IKZF3: variants seen among roughly 807,000 people sequenced by gnomAD.
The protein encoded by IKZF3 is zinc finger protein Aiolos.
In IKZF3, 10 loss-of-function variants were observed where a neutral mutation model predicts 49.0. The observed-to-expected ratio is 0.20, with a 90% CI of 0.13 to 0.35. IKZF3 has a LOEUF of 0.35. Among genes scored for constraint, IKZF3 ranks in the 10% least tolerant of loss-of-function variants. The pLI, the probability that IKZF3 is intolerant of heterozygous loss-of-function variation, is 1.00. For missense variants in IKZF3, 498 were observed against 664.8 expected (o/e 0.75, Z 2.76); for synonymous variants, 209 against 228.2 (o/e 0.92, Z 0.76).
chr17:39,775,883 C>T (rs533579533), intron 7 of IKZF3, among the ~76,000 whole-genome samples: 2 of 150,356 alleles, frequency 1.3e-5, no homozygotes, highest in South Asian at 4.2e-4. Context: ...GAGATCGCGC[C>T]ATTGCACCCC....
intron 3 of IKZF3, among the ~76,000 whole-genome samples, chr17:39,825,686 T>C (rs2061937391): frequency 6.6e-6 from 1 of 152,162 alleles, no homozygotes; most frequent in Non-Finnish European, 1.5e-5. Context: ...CCAGAGAATT[T>C]CCATTTGAGG....
intron 3 of IKZF3, among the ~76,000 whole-genome samples, chr17:39,827,968 G>A (rs1157558064): frequency 6.6e-6 from 1 of 152,194 alleles, no homozygotes; most frequent in Non-Finnish European, 1.5e-5. Flanking sequence ...TAGGGAAGAG[G>A]AGGTGGGGGA....
At chr17:39,819,840 T>A (rs114211283) in intron 3 of IKZF3, among the ~76,000 whole-genome samples, 6,670 of 150,130 alleles carry the variant, frequency 0.044, 223 homozygotes, top group Non-Finnish European at 0.072. Context: ...TAAAAAAAAA[T>A]TTTTTTTTTG....
In IKZF3 at chr17:39,761,581, A is replaced by ATATATATATATATATATATAC. The variant is rs1567944278; in HGVS notation, c.*4208_*4209insGTATATATATATATATATATA. The ATATATATATATATATATATAC allele has an allele frequency of 3.1e-4, 46 of 147,014 alleles. No homozygotes were observed. The highest frequency in any genetic ancestry group is 1.0e-3 in the African/African-American group (38 of 37,790). 9.1% of individuals were successfully genotyped at this position (147,014 alleles called of 1,614,324 possible). A position where few individuals can be genotyped will look rare whatever the true frequency, so the allele number is the denominator to read the frequency against. On this transcript the variant is annotated 3_prime_UTR_variant, in exon 8 of 8. Transcript: ENST00000346872. ...ATACATACATATATATACATATACA[A>ATATATATATATATATATATAC]AAAAAATAAAAATAAATTAAAAAAT...
chr17:39,834,494 T>C (rs983925427), intron 1 of IKZF3, among the ~76,000 whole-genome samples: 4 of 152,262 alleles, frequency 2.6e-5, no homozygotes, highest in African/African-American at 9.6e-5. Context: ...TGTGATCCAC[T>C]GGTTATTTAT....
intron 1 of IKZF3, among the ~76,000 whole-genome samples, chr17:39,851,657 G>A (rs1310780947): frequency 3.3e-5 from 5 of 152,102 alleles, no homozygotes. Context: ...TTGGGGCAAA[G>A]GGGGAAATTA....
In IKZF3 at chr17:39,791,400, C is replaced by G; in HGVS notation, c.592+16G>C. 6.2e-7 allele frequency: 1 copy of G among 1,612,990 alleles called. No homozygotes were observed. Among genetic ancestry groups the G allele is most frequent in the Non-Finnish European group, 8.5e-7 (1 of 1,179,286 alleles). On this transcript the variant is annotated intron_variant, in intron 5 of 7. Coordinates refer to ENST00000346872, the MANE Select transcript of IKZF3 (RefSeq NM_012481.5). Reference sequence around the variant, plus strand: ...ATGCACTTCCTAGACAAGGAATGCTCATTTCTCTCACTTACCAGAATGTGT... The same window carrying G: ...ATGCACTTCCTAGACAAGGAATGCTGATTTCTCTCACTTACCAGAATGTGT...
intron 3 of IKZF3, among the ~76,000 whole-genome samples, chr17:39,818,812 C>T (rs898618820): frequency 6.6e-6 from 1 of 152,140 alleles, no homozygotes; most frequent in Non-Finnish European, 1.5e-5. Context: ...GAGCTGAGCT[C>T]GCACCACCGC....
At chr17:39,835,759 A>T in intron 1 of IKZF3, 1 of 514,046 alleles carries the variant, frequency 1.9e-6, no homozygotes, top group South Asian at 1.5e-5. Context: ...TAAGCTTGCC[A>T]TCCAGGTAAG....
At chr17:39,817,736 C>T (rs764033255) in intron 3 of IKZF3, among the ~76,000 whole-genome samples, 2 of 152,186 alleles carry the variant, frequency 1.3e-5, no homozygotes, top group African/African-American at 2.4e-5. Flanking sequence ...ATAATTTATA[C>T]ATACTGATCA....
chr17:39,781,124 A>G (rs1246354774), intron 6 of IKZF3, among the ~76,000 whole-genome samples: 1 of 152,214 alleles, frequency 6.6e-6, no homozygotes, highest in Non-Finnish European at 1.5e-5. Context: ...TTGAGTGAAG[A>G]GGGTCAAATT....
chr17:39,844,845 C>A (rs1301476764), intron 1 of IKZF3, among the ~76,000 whole-genome samples: 1 of 152,152 alleles, frequency 6.6e-6, no homozygotes, highest in Non-Finnish European at 1.5e-5. Flanking sequence ...TGGTCTCGAA[C>A]TCCTGACCTC....
intron 3 of IKZF3, among the ~76,000 whole-genome samples, chr17:39,813,974 T>C (rs568306784): frequency 2.8e-4 from 42 of 152,356 alleles, no homozygotes; most frequent in African/African-American, 9.9e-4. Flanking sequence ...CCAGCCACCC[T>C]TCTTCACACA....
chr17:39,862,938 T>G (rs1409219028), intron 1 of IKZF3, among the ~76,000 whole-genome samples: 1 of 152,214 alleles, frequency 6.6e-6, no homozygotes, highest in Non-Finnish European at 1.5e-5. Context: ...CATGATTCTG[T>G]ACATTATCCT....
intron 3 of IKZF3, among the ~76,000 whole-genome samples, chr17:39,806,700 A>G (rs2061438028): frequency 6.6e-6 from 1 of 152,174 alleles, no homozygotes; most frequent in Admixed American, 6.5e-5. Flanking sequence ...CAGCCTTCTA[A>G]AACGGCTCCT....
intron 1 of IKZF3, among the ~76,000 whole-genome samples, chr17:39,845,125 C>G (rs1238350265): frequency 6.6e-6 from 1 of 152,096 alleles, no homozygotes; most frequent in East Asian, 1.9e-4. Flanking sequence ...TATTGTACTG[C>G]CTGTGAACTA....
intron 1 of IKZF3, among the ~76,000 whole-genome samples, chr17:39,847,819 G>C (rs2062678444): frequency 6.6e-6 from 1 of 152,096 alleles, no homozygotes. Context: ...ATCGCCCAAG[G>C]GCACAAAGTC....
chr17:39,843,684 G>A (rs2062545871), intron 1 of IKZF3, among the ~76,000 whole-genome samples: 1 of 151,930 alleles, frequency 6.6e-6, no homozygotes, highest in Non-Finnish European at 1.5e-5. Flanking sequence ...AGAGAAAAAT[G>A]AGATTCTGAC....
chr17:39,824,159 G>A (rs1449566177), intron 3 of IKZF3, among the ~76,000 whole-genome samples: 4 of 152,244 alleles, frequency 2.6e-5, no homozygotes, highest in Non-Finnish European at 5.9e-5. Flanking sequence ...TCAGCGTGAC[G>A]TGGATGTGAG....
Sources: gnomAD v4.1 joint callset for allele counts (sites outside exome capture counted in the v4.1 genomes callset) on GRCh38, gnomAD v4.1.1 for gene constraint, MANE v1.5 for transcripts, NCBI Gene and HGNC (gene_info 2026-07-23, HGNC 2026-07-21) for gene names.